Variants in STAG1 observed in about 807,000 individuals in gnomAD.
STAG1 encodes the protein STAG1 cohesin complex component.
A neutral mutation model predicts 170.9 loss-of-function variants in STAG1; 26 were observed. The ratio of observed to expected loss-of-function variants is 0.15; its 90% CI spans 0.11 to 0.21. The LOEUF is 0.21. Among genes scored for constraint, STAG1 ranks in the 10% least tolerant of loss-of-function variants. The pLI, the probability that STAG1 is intolerant of heterozygous loss-of-function variation, is 1.00. For missense variants in STAG1, 964 were observed against 1,509.5 expected (o/e 0.64, Z 5.99); for synonymous variants, 514 against 497.7 (o/e 1.03, Z -0.44).
At chr3:136,649,726 G>GGTCC (rs1277522985) in intron 1 of STAG1, among the ~76,000 whole-genome samples, 3 of 151,146 alleles carry the variant, frequency 2.0e-5, no homozygotes, top group Non-Finnish European at 3.0e-5. Context: ...GAGCAGCTTG[G>GGTCC]ACAACATAGT....
chr3:136,668,221 T>A lies in STAG1; in HGVS notation c.-83-37240A>T, dbSNP rs370067407. On this transcript the variant is annotated intron_variant, in intron 1 of 33. Transcript: ENST00000383202. ...ATGCATTCTAGCCGAGGCAACAGAG[T>A]GAGACTGTCTCAAATATATATATAT... Among the ~76,000 whole-genome samples the A allele has an allele frequency of 5.3e-5, 8 of 149,894 alleles. No individual in the cohort carries two copies. The East Asian group carries it at 1.2e-3, about 22-fold the overall frequency.
chr3:136,702,992 CG>C (rs1943125588), intron 1 of STAG1, among the ~76,000 whole-genome samples: 1 of 148,778 alleles, frequency 6.7e-6, no homozygotes, highest in Non-Finnish European at 1.5e-5. Flanking sequence ...CATTTGAACC[CG>C]GGAGGCACAG....
Position 136,464,941 on chromosome 3 carries a change from T to C in STAG1, c.1253A>G (p.His418Arg). The C allele has an allele frequency of 6.2e-7, 1 of 1,612,746 alleles. No homozygotes were observed. Among genetic ancestry groups the C allele is most frequent in the Non-Finnish European group, 8.5e-7 (1 of 1,179,446 alleles). The change falls in exon 13 of 34, where the codon CAC (histidine) becomes CGC (arginine). Residue 418 changes from histidine to arginine, a missense_variant. By Grantham distance (29) the His-to-Arg change is conservative (BLOSUM62 0). Around this residue, in one of 11 missense-constraint regions of STAG1, gnomAD observed 162 missense variants for 211.2 expected, o/e 0.77. Coordinates refer to ENST00000383202, the MANE Select transcript of STAG1 (RefSeq NM_005862.3). Reference protein sequence around the residue: ...LSNEDCENVYHLVYSAHRPVA... With the variant: ...LSNEDCENVYRLVYSAHRPVA... ...AGGGCGATGTGCCGAGTACACCAAG[T>C]GGTAAACATTTTCACAGTCTTCATT...
chr3:136,548,204 C>A (rs549861320), intron 5 of STAG1, among the ~76,000 whole-genome samples: 2 of 151,856 alleles, frequency 1.3e-5, no homozygotes, highest in East Asian at 3.9e-4. Flanking sequence ...GCCTTGACCT[C>A]CCCAGCTCAG....
At chr3:136,618,976 A>G (rs940198732) in intron 3 of STAG1, among the ~76,000 whole-genome samples, 2 of 152,190 alleles carry the variant, frequency 1.3e-5, no homozygotes, top group African/African-American at 4.8e-5. Context: ...AATAGATACC[A>G]AAATACTTAT....
At chr3:136,486,278 T>C (rs932803367) in intron 9 of STAG1, among the ~76,000 whole-genome samples, 1 of 152,210 alleles carries the variant, frequency 6.6e-6, no homozygotes, top group Non-Finnish European at 1.5e-5. Context: ...TTATTAGATA[T>C]TTAAAAATGT....
In STAG1 at chr3:136,417,836, A is replaced by C. The variant is rs764870435; in HGVS notation, c.2196+49T>G. On this transcript the variant is annotated intron_variant, in intron 21 of 33. Coordinates refer to ENST00000383202, the MANE Select transcript of STAG1 (RefSeq NM_005862.3). ...GCTTCTGATAATCATATGACTTCAG[A>C]AAAACAACTTTCTAGAGTCATACAG... is the stretch of plus-strand genomic sequence containing the variant. 2.0e-6 allele frequency: 3 copies of C among 1,479,236 alleles called. No homozygotes were observed. In the South Asian group the frequency reaches 3.4e-5, roughly 17 times the overall value. The allele number at this position is 1,479,236 out of a possible 1,614,324, so 91.6% of individuals were successfully genotyped here.
At chr3:136,716,015 T>C (rs1426040565) in intron 1 of STAG1, among the ~76,000 whole-genome samples, 4 of 152,264 alleles carry the variant, frequency 2.6e-5, no homozygotes, top group African/African-American at 9.6e-5. Context: ...AGAGAATTGC[T>C]TGAACCTGGG....
At chr3:136,373,099 T>G (rs530956272) in intron 23 of STAG1, among the ~76,000 whole-genome samples, 3 of 152,338 alleles carry the variant, frequency 2.0e-5, no homozygotes, top group East Asian at 3.9e-4. Flanking sequence ...GTCGAGGAAT[T>G]TATCCATTTC....
intron 2 of STAG1, among the ~76,000 whole-genome samples, chr3:136,624,551 G>T (rs1398868420): frequency 6.6e-6 from 1 of 152,284 alleles, no homozygotes; most frequent in South Asian, 2.1e-4. Flanking sequence ...TCAATGGTGT[G>T]AGCAACTTCT....
intron 6 of STAG1, among the ~76,000 whole-genome samples, chr3:136,537,182 G>A (rs548901136): frequency 5.6e-4 from 85 of 152,214 alleles, no homozygotes; most frequent in African/African-American, 2.0e-3. Context: ...CCACAGTGAT[G>A]TATGCAACAC....
At chr3:136,528,563 T>C (rs1009459758) in intron 6 of STAG1, among the ~76,000 whole-genome samples, 1 of 130,334 alleles carries the variant, frequency 7.7e-6, no homozygotes. Flanking sequence ...AGAAGCTCAG[T>C]GAGATACAAC....
At chr3:136,451,948 T>C in intron 14 of STAG1, 85 bp downstream of exon 14, 2 of 877,258 alleles carry the variant, frequency 2.3e-6, no homozygotes, top group Non-Finnish European at 1.7e-6. Context: ...CTTGTTTTTA[T>C]TTGATTGAAA....
At chr3:136,515,945 G>A (rs902086178) in intron 7 of STAG1, among the ~76,000 whole-genome samples, 13 of 151,480 alleles carry the variant, frequency 8.6e-5, no homozygotes, top group Admixed American at 2.0e-4. Flanking sequence ...AAAACACAAC[G>A]GTGAAAAAGT....
intron 16 of STAG1, among the ~76,000 whole-genome samples, chr3:136,432,978 T>TG (rs977747973): frequency 6.7e-6 from 1 of 149,308 alleles, no homozygotes; most frequent in Admixed American, 6.7e-5. Flanking sequence ...CCAATGTGTG[T>TG]TTTTTTTTTA....
intron 1 of STAG1, among the ~76,000 whole-genome samples, chr3:136,747,777 A>G (rs906950299): frequency 9.7e-5 from 14 of 143,716 alleles, no homozygotes; most frequent in Non-Finnish European, 1.8e-4. Context: ...GAATTACGTA[A>G]TTTTTTTTTT....
At chr3:136,746,855 C>T (rs1347634899) in intron 1 of STAG1, among the ~76,000 whole-genome samples, 2 of 151,308 alleles carry the variant, frequency 1.3e-5, no homozygotes, top group Non-Finnish European at 2.9e-5. Flanking sequence ...CCAGCACTTT[C>T]GGAGGCCGAG....
chr3:136,689,092 T>A (rs1310535119), intron 1 of STAG1, among the ~76,000 whole-genome samples: 2 of 152,250 alleles, frequency 1.3e-5, no homozygotes, highest in Non-Finnish European at 2.9e-5. Flanking sequence ...TACAAAACAC[T>A]ATGAACTTCA....
chr3:136,666,108 A>AAAAG lies in STAG1; in HGVS notation c.-83-35131_-83-35128dup, dbSNP rs1249625977. On this transcript the variant is annotated intron_variant, in intron 1 of 33. Coordinates refer to ENST00000383202, the MANE Select transcript of STAG1 (RefSeq NM_005862.3). ...AAAAAAAAAAAAAAAAAAAAAAAAA[A>AAAAG]AAAGAAAGAAATGCAAGTGGTCTAT... Among the ~76,000 whole-genome samples the AAAAG allele has an allele frequency of 9.8e-4, 139 of 141,332 alleles. 1 individual carries two copies. In the East Asian group the frequency reaches 0.013, roughly 13 times the overall value. 92.7% of individuals were successfully genotyped at this position (141,332 alleles called of 152,430 possible).
Sources: gnomAD v4.1 joint callset for allele counts (sites outside exome capture counted in the v4.1 genomes callset) on GRCh38, gnomAD v4.1.1 for gene constraint, gnomAD v4.1.1 regional missense constraint, MANE v1.5 for transcripts, NCBI Gene and HGNC (gene_info 2026-07-23, HGNC 2026-07-21) for gene names.